Variants in LPP observed in about 807,000 individuals in gnomAD.
LPP encodes the protein lipoma-preferred partner.
A neutral mutation model predicts 60.4 loss-of-function variants in LPP; 38 were observed. That is an observed-to-expected ratio of 0.63 (90% CI 0.49 to 0.83). LPP has a LOEUF of 0.83. Among genes scored for constraint, LPP ranks in the 40% least tolerant of loss-of-function variants. The pLI, the probability that LPP is intolerant of heterozygous loss-of-function variation, is 0.00. For missense variants in LPP, 902 were observed against 783.6 expected (o/e 1.15, Z -1.80); for synonymous variants, 328 against 290.8 (o/e 1.13, Z -1.30).
chr3:188,843,925 A>T (rs909939867), intron 9 of LPP, among the ~76,000 whole-genome samples: 7 of 151,974 alleles, frequency 4.6e-5, no homozygotes, highest in Middle Eastern at 3.4e-3. Flanking sequence ...CCTCTCTCAC[A>T]CTCTACACTT....
intron 4 of LPP, among the ~76,000 whole-genome samples, chr3:188,475,068 G>A (rs1802821212): frequency 6.6e-6 from 1 of 152,192 alleles, no homozygotes; most frequent in South Asian, 2.1e-4. Flanking sequence ...ACCACTGCAT[G>A]ACAGAGAATT....
At chr3:188,633,532 C>T (rs532211419) in intron 7 of LPP, among the ~76,000 whole-genome samples, 2 of 152,258 alleles carry the variant, frequency 1.3e-5, no homozygotes, top group Admixed American at 1.3e-4. Flanking sequence ...AAACCTGGTC[C>T]TCTGTCTACA....
chr3:188,198,316 G>T (rs1288561401), intron 1 of LPP, among the ~76,000 whole-genome samples: 1 of 152,194 alleles, frequency 6.6e-6, no homozygotes, highest in Non-Finnish European at 1.5e-5. Context: ...GTTTTGAAAT[G>T]ATAGAAACTT....
At chr3:188,393,142 GT>G (rs1780100830) in intron 3 of LPP, among the ~76,000 whole-genome samples, 1 of 151,470 alleles carries the variant, frequency 6.6e-6, no homozygotes, top group Non-Finnish European at 1.5e-5. Context: ...GGGGTCAGGT[GT>G]TAAAGATATA....
At chr3:188,800,193 C>G (rs1387976222) in intron 9 of LPP, among the ~76,000 whole-genome samples, 1 of 101,892 alleles carries the variant, frequency 9.8e-6, no homozygotes, top group East Asian at 2.5e-4. Flanking sequence ...TTTTTTTTTG[C>G]CATTAAAAGC....
In LPP at chr3:188,752,717, A is replaced by G. The variant is rs757832001; in HGVS notation, c.1241-7396A>G. Among the ~76,000 whole-genome samples the G allele has an allele frequency of 7.6e-4, 116 of 152,204 alleles. 2 individuals carry two copies. The highest frequency in any genetic ancestry group is 6.4e-3 in the Admixed American group (98 of 15,296). ...TATTAAAGTTCCAGTTTCCTAGAATATATCTCCTGGGAGATTTGGCACTAG... is the reference window on the plus strand; with the variant it reads ...TATTAAAGTTCCAGTTTCCTAGAATGTATCTCCTGGGAGATTTGGCACTAG... On this transcript the variant is annotated intron_variant, in intron 8 of 11. Coordinates refer to ENST00000617246, the MANE Select transcript of LPP (RefSeq NM_001375462.1).
At chr3:188,166,303 A>G (rs1719928752) in intron 1 of LPP, among the ~76,000 whole-genome samples, 1 of 152,146 alleles carries the variant, frequency 6.6e-6, no homozygotes, top group African/African-American at 2.4e-5. Flanking sequence ...AGAGAGAGTT[A>G]AAAATGGATG....
chr3:188,396,313 A>C (rs572408461), intron 3 of LPP, among the ~76,000 whole-genome samples: 1 of 152,264 alleles, frequency 6.6e-6, no homozygotes, highest in African/African-American at 2.4e-5. Context: ...CAAAATAAAT[A>C]TTCAAAAACA....
At chr3:188,342,096 C>T (rs1763214084) in intron 3 of LPP, among the ~76,000 whole-genome samples, 1 of 152,142 alleles carries the variant, frequency 6.6e-6, no homozygotes, top group Admixed American at 6.5e-5. Context: ...TTTCCTAACC[C>T]TTGATTGAGC....
intron 9 of LPP, among the ~76,000 whole-genome samples, chr3:188,821,196 G>A (rs1753865662): frequency 6.6e-6 from 1 of 150,734 alleles, no homozygotes; most frequent in Non-Finnish European, 1.5e-5. Context: ...TTTTGAATGT[G>A]TATATTTAAA....
chr3:188,411,939 C>T (rs1009324741), intron 4 of LPP, among the ~76,000 whole-genome samples: 4 of 150,344 alleles, frequency 2.7e-5, no homozygotes, highest in African/African-American at 4.9e-5. Context: ...ATTACTTTTG[C>T]ACCAACTTAA....
intron 2 of LPP, among the ~76,000 whole-genome samples, chr3:188,293,925 G>T (rs988181093): frequency 6.6e-6 from 1 of 151,832 alleles, no homozygotes; most frequent in Non-Finnish European, 1.5e-5. Context: ...AATCAGTTGG[G>T]CGTAGTAGTG....
chr3:188,318,012 T>C (rs1755623267), intron 2 of LPP, among the ~76,000 whole-genome samples: 1 of 152,084 alleles, frequency 6.6e-6, no homozygotes, highest in Non-Finnish European at 1.5e-5. Context: ...CAGACACAAA[T>C]AGAGAGGCTC....
At chr3:188,276,231 C>T (rs977223391) in intron 2 of LPP, among the ~76,000 whole-genome samples, 5 of 152,228 alleles carry the variant, frequency 3.3e-5, no homozygotes, top group African/African-American at 1.2e-4. Flanking sequence ...CTTATCAACA[C>T]AGCCATACTT....
intron 5 of LPP, among the ~76,000 whole-genome samples, chr3:188,513,522 G>C (rs1347575563): frequency 1.3e-5 from 2 of 151,688 alleles, no homozygotes; most frequent in Non-Finnish European, 2.9e-5. Flanking sequence ...ATTATTCTTA[G>C]AGTTCCTGTT....
chr3:188,222,330 TCA>T (rs1484208330), intron 1 of LPP, among the ~76,000 whole-genome samples: 3 of 152,204 alleles, frequency 2.0e-5, no homozygotes, highest in Non-Finnish European at 4.4e-5. Context: ...TAAATTAGAA[TCA>T]CAGAACTATA....
At chr3:188,666,445 C>A (rs971573454) in intron 7 of LPP, among the ~76,000 whole-genome samples, 5 of 152,168 alleles carry the variant, frequency 3.3e-5, no homozygotes, top group Admixed American at 2.0e-4. Flanking sequence ...TTCATCAAGG[C>A]AGTATAACTT....
intron 2 of LPP, among the ~76,000 whole-genome samples, chr3:188,320,908 G>C (rs935438583): frequency 1.3e-5 from 2 of 152,184 alleles, no homozygotes; most frequent in African/African-American, 4.8e-5. Context: ...CAAGTCCTGT[G>C]TGTGATGAAT....
intron 5 of LPP, among the ~76,000 whole-genome samples, chr3:188,516,725 C>A (rs1212041258): frequency 6.6e-6 from 1 of 151,626 alleles, no homozygotes; most frequent in Non-Finnish European, 1.5e-5. Flanking sequence ...GAGAACATCC[C>A]CATACCAGCG....
Sources: allele counts gnomAD v4.1 joint callset (sites outside exome capture counted in the v4.1 genomes callset), GRCh38; gene constraint gnomAD v4.1.1; transcripts MANE v1.5; gene names NCBI Gene and HGNC (gene_info 2026-07-23, HGNC 2026-07-21).